AGBL1: variants seen among roughly 807,000 people sequenced by gnomAD.
AGBL1 encodes the protein cytosolic carboxypeptidase 4.
AGBL1 carries 130 observed loss-of-function variants against 118.9 expected under a neutral mutation model. The observed-to-expected ratio is 1.09, with a 90% confidence interval of 0.95 to 1.26. The LOEUF (loss-of-function observed/expected upper bound fraction) is 1.26, where lower values mean the gene tolerates loss of function less well. Among genes scored for constraint, AGBL1 ranks in the 50% most tolerant of loss-of-function variants. The pLI is 0.00. For synonymous variants in AGBL1, 555 were observed against 478.9 expected (o/e 1.16, Z -2.08); for missense variants, 1,584 against 1,298.1 (o/e 1.22, Z -3.38).
At chr15:86,215,364 T>C (rs1349128138) in intron 5 of AGBL1, among the ~76,000 whole-genome samples, 1 of 152,074 alleles carries the variant, frequency 6.6e-6, no homozygotes, top group African/African-American at 2.4e-5. Flanking sequence ...TTAAAGGTCC[T>C]CCTGCTTTAT....
At chr15:86,781,610 T>C (rs1459030215) in intron 22 of AGBL1, among the ~76,000 whole-genome samples, 1 of 152,194 alleles carries the variant, frequency 6.6e-6, no homozygotes, top group Non-Finnish European at 1.5e-5. Context: ...CTACATACCT[T>C]TCTAGGACTA....
intron 22 of AGBL1, among the ~76,000 whole-genome samples, chr15:86,731,412 G>T (rs2077525872): frequency 6.6e-6 from 1 of 152,112 alleles, no homozygotes; most frequent in Non-Finnish European, 1.5e-5. Flanking sequence ...AATGTCACCA[G>T]GGATCTCCAA....
chr15:86,973,255 T>C (rs1170523933), intron 23 of AGBL1, among the ~76,000 whole-genome samples: 1 of 152,064 alleles, frequency 6.6e-6, no homozygotes, highest in Non-Finnish European at 1.5e-5. Context: ...ATGAAGAGCA[T>C]GGTGACATGT....
intron 22 of AGBL1, among the ~76,000 whole-genome samples, chr15:86,820,944 T>G (rs1013150837): frequency 1.3e-5 from 2 of 152,136 alleles, no homozygotes; most frequent in African/African-American, 4.8e-5. Context: ...TGCCCATTAA[T>G]GATAGACTGG....
At chr15:86,211,470 T>C (rs1597560204) in intron 5 of AGBL1, among the ~76,000 whole-genome samples, 1 of 152,212 alleles carries the variant, frequency 6.6e-6, no homozygotes, top group Admixed American at 6.5e-5. Context: ...GCAGCAGGCC[T>C]TGCAGCGCTG....
At chr15:86,158,908 A>T in intron 4 of AGBL1, 25 bp from the exon 5 acceptor site, 1 of 1,606,370 alleles carries the variant, frequency 6.2e-7, no homozygotes, top group Non-Finnish European at 8.5e-7. Flanking sequence ...TGTGACCATA[A>T]CTACTGTGCT....
intron 5 of AGBL1, among the ~76,000 whole-genome samples, chr15:86,200,565 T>G (rs1480695643): frequency 7.9e-6 from 1 of 125,830 alleles, no homozygotes; most frequent in African/African-American, 2.8e-5. Flanking sequence ...CCCCCCCCTT[T>G]TTTTTTTGCT....
intron 18 of AGBL1, among the ~76,000 whole-genome samples, chr15:86,462,924 G>A (rs1177293618): frequency 2.0e-5 from 3 of 152,170 alleles, no homozygotes; most frequent in Non-Finnish European, 2.9e-5. Context: ...TGTATTTATA[G>A]TAGAATGATT....
In AGBL1 at chr15:86,566,228, G is replaced by A. The variant is rs2083911712; in HGVS notation, c.2994+11691G>A. On this transcript the variant is annotated intron_variant, in intron 21 of 22. Transcript: ENST00000614907. ...CCCGTCTTCTGCATCAGTCACACTGGGAGCTGTAGACTGGAGCTGTTCCTG... is the reference window on the plus strand; with the variant it reads ...CCCGTCTTCTGCATCAGTCACACTGAGAGCTGTAGACTGGAGCTGTTCCTG... Among the ~76,000 whole-genome samples, 3 of 152,304 alleles carry A rather than the reference G, an allele frequency of 2.0e-5. No individual in the cohort carries two copies. The South Asian group carries it at 6.2e-4, about 32-fold the overall frequency.
At position 86,170,400 on chromosome 15, in the gene AGBL1, C is replaced by A. The variant is rs547837370; in HGVS notation, c.488+11374C>A. ...AGCCCAGTACATATAATTTGAGCCACTGGGGAGAGGAGAAATAGGTAGGGA... is the reference window on the plus strand; with the variant it reads ...AGCCCAGTACATATAATTTGAGCCAATGGGGAGAGGAGAAATAGGTAGGGA... On this transcript the variant is annotated intron_variant, in intron 5 of 22. Transcript: ENST00000614907. Among the ~76,000 whole-genome samples the A allele has an allele frequency of 2.6e-5, 4 of 151,902 alleles. No homozygotes were observed. The South Asian group carries it at 8.3e-4, about 32-fold the overall frequency.
chr15:86,777,916 G>A (rs1025975473), intron 22 of AGBL1, among the ~76,000 whole-genome samples: 1 of 151,994 alleles, frequency 6.6e-6, no homozygotes, highest in Non-Finnish European at 1.5e-5. Flanking sequence ...AATTATCGGG[G>A]GAAATTCAGC....
At chr15:86,799,954 A>T (rs1233959485) in intron 22 of AGBL1, among the ~76,000 whole-genome samples, 1 of 152,162 alleles carries the variant, frequency 6.6e-6, no homozygotes, top group African/African-American at 2.4e-5. Context: ...ACCCAGGTAT[A>T]AAATGCAGCT....
intron 15 of AGBL1, among the ~76,000 whole-genome samples, chr15:86,278,071 G>A (rs528762103): frequency 2.0e-5 from 3 of 152,292 alleles, no homozygotes; most frequent in East Asian, 1.9e-4. Context: ...CATGCTTTCC[G>A]AGCTACCATC....
intron 22 of AGBL1, among the ~76,000 whole-genome samples, chr15:86,780,656 TC>T (rs1398873502): frequency 9.7e-6 from 1 of 102,880 alleles, no homozygotes; most frequent in Non-Finnish European, 2.6e-5. Context: ...TTCTTTAACT[TC>T]TTTTTTTTTT....
At chr15:86,437,516 C>T (rs1011770547) in intron 18 of AGBL1, among the ~76,000 whole-genome samples, 1 of 152,012 alleles carries the variant, frequency 6.6e-6, no homozygotes, top group African/African-American at 2.4e-5. Flanking sequence ...TTATCCTGAA[C>T]CTTCAATTCA....
At chr15:86,932,319 G>C (rs964632639) in intron 23 of AGBL1, among the ~76,000 whole-genome samples, 2 of 152,104 alleles carry the variant, frequency 1.3e-5, no homozygotes, top group African/African-American at 4.8e-5. Flanking sequence ...TTAACTTTAG[G>C]CTCTGTCAAC....
chr15:86,404,483 T>G (rs2081495356), intron 18 of AGBL1, among the ~76,000 whole-genome samples: 1 of 152,186 alleles, frequency 6.6e-6, no homozygotes, highest in Non-Finnish European at 1.5e-5. Flanking sequence ...CCTTCCCATT[T>G]TGAACTCAGC....
chr15:86,612,125 G>A (rs931880819), intron 21 of AGBL1, among the ~76,000 whole-genome samples: 5 of 151,970 alleles, frequency 3.3e-5, no homozygotes, highest in African/African-American at 1.2e-4. Flanking sequence ...AACCTCCATA[G>A]TGCTCTTCAC....
chr15:86,378,365 T>A (rs1370812721), intron 17 of AGBL1, among the ~76,000 whole-genome samples: 2 of 152,152 alleles, frequency 1.3e-5, no homozygotes, highest in Non-Finnish European at 2.9e-5. Context: ...TCTGTGTCAG[T>A]GGAAATTTTT....
Sources: gnomAD v4.1 joint callset for allele counts (sites outside exome capture counted in the v4.1 genomes callset) on GRCh38, gnomAD v4.1.1 for gene constraint, MANE v1.5 for transcripts, NCBI Gene and HGNC (gene_info 2026-07-23, HGNC 2026-07-21) for gene names.